Variants in ABCG1 observed in about 807,000 individuals in gnomAD.
The protein encoded by ABCG1 is ATP binding cassette subfamily G member 1, also known as ATP-binding cassette sub-family G member 1.
A neutral mutation model predicts 69.2 loss-of-function variants in ABCG1; 29 were observed. The observed-to-expected ratio is 0.42, with a 90% confidence interval of 0.31 to 0.57. The LOEUF (loss-of-function observed/expected upper bound fraction) is 0.57, where lower values mean the gene tolerates loss of function less well. Among genes scored for constraint, ABCG1 ranks in the 20% least tolerant of loss-of-function variants. The pLI is 0.15. For synonymous variants in ABCG1, 370 were observed against 374.8 expected, an observed-to-expected ratio of 0.99 and a Z score of 0.15; for missense variants, 718 against 898.1, an observed-to-expected ratio of 0.80 and a Z score of 2.56.
chr21:42,224,924 G>A (rs914896020), intron 1 of ABCG1, among the ~76,000 whole-genome samples: 4 of 151,850 alleles, frequency 2.6e-5, no homozygotes, highest in Admixed American at 2.0e-4. Flanking sequence ...TTCTCTTGAT[G>A]CAGTGAAATG....
intron 2 of ABCG1, among the ~76,000 whole-genome samples, chr21:42,230,945 A>G (rs915928826): frequency 6.6e-6 from 1 of 152,226 alleles, no homozygotes; most frequent in Non-Finnish European, 1.5e-5. Flanking sequence ...TTCAGGCCAA[A>G]AAGGAGCGTA....
intron 5 of ABCG1, 59 bp from the exon 6 acceptor site, chr21:42,282,215 A>G: frequency 6.3e-7 from 1 of 1,583,570 alleles, no homozygotes; most frequent in Non-Finnish European, 8.6e-7. Context: ...TGCATGGGCC[A>G]TGGGAGGTGG....
At chr21:42,235,448 G>A (rs114331020) in intron 2 of ABCG1, among the ~76,000 whole-genome samples, 245 of 152,304 alleles carry the variant, frequency 1.6e-3, no homozygotes, top group African/African-American at 5.6e-3. Context: ...GAGTGACCAT[G>A]GCCCGTGACA....
In ABCG1 at chr21:42,219,791, C is replaced by A. The variant is rs2123494783; in HGVS notation, c.42+487C>A. 1.4e-6 allele frequency: 2 copies of A among 1,424,234 alleles called. No individual in the cohort carries two copies. The highest frequency in any genetic ancestry group is 1.8e-6 in the Non-Finnish European group (2 of 1,091,820). The allele number at this position is 1,424,234 out of a possible 1,614,324, so 88.2% of individuals were successfully genotyped here. ...GAACGCCAGGCAAGGTCTGGGGGAA[C>A]AAAAGAGGAAGCTGCCCCCAGAGAG... On this transcript the variant is annotated intron_variant, in intron 1 of 14. Transcript: ENST00000398449. This position sits in a 1 kb window ranked among gnomAD's most constrained non-coding sequence, Gnocchi z 5.3.
At chr21:42,241,610 AAAAAAATAAC>A in intron 2 of ABCG1, among the ~76,000 whole-genome samples, 1 of 109,838 alleles carries the variant, frequency 9.1e-6, no homozygotes, top group African/African-American at 5.0e-5. Context: ...GTCTCAAAAA[AAAAAAATAAC>A]AAAAAAAAAA....
In ABCG1 at chr21:42,273,267, C is replaced by T. The variant is rs756759052; in HGVS notation, c.405-36C>T. Reference sequence around the variant, plus strand: ...CCGGGAGGTGGAGGAGGAGCAGGAGCCCGGCTGACGGCTTCTCCTGTCCTT... The same window carrying T: ...CCGGGAGGTGGAGGAGGAGCAGGAGTCCGGCTGACGGCTTCTCCTGTCCTT... On this transcript the variant is annotated intron_variant, in intron 3 of 14. Coordinates refer to ENST00000398449, the MANE Select transcript of ABCG1 (RefSeq NM_016818.3). The surrounding 1 kb of genome is among the most constrained non-coding windows in gnomAD (Gnocchi z 5.3). 2 of 1,590,334 alleles carry T rather than the reference C, an allele frequency of 1.3e-6. No homozygotes were observed. The highest frequency in any genetic ancestry group is 3.4e-5 in the Admixed American group (2 of 58,536).
chr21:42,280,088 A>T (rs962189520), intron 5 of ABCG1, among the ~76,000 whole-genome samples: 3 of 152,160 alleles, frequency 2.0e-5, no homozygotes, highest in Non-Finnish European at 2.9e-5. Context: ...TCCCCACAGG[A>T]CCTGGAGGCC....
chr21:42,284,139 T>TA (rs556365181), intron 6 of ABCG1, among the ~76,000 whole-genome samples: 1 of 422 alleles, frequency 2.4e-3, no homozygotes, highest in Non-Finnish European at 4.5e-3. Context: ...AGTTGCGAAG[T>TA]CCCCCCCGCC....
In ABCG1 at chr21:42,276,047, C is replaced by T. The variant is rs941878200; in HGVS notation, c.538-848C>T. ...ATCTCACCCTCTCCTCTGATCCTCA[C>T]AGCAACTTCTCTAGCTAATGAGGTG... On this transcript the variant is annotated intron_variant, in intron 4 of 14. Coordinates refer to ENST00000398449, the MANE Select transcript of ABCG1 (RefSeq NM_016818.3). The surrounding 1 kb of genome is among the most constrained non-coding windows in gnomAD (Gnocchi z 5.3). Among the ~76,000 whole-genome samples, 2 of 147,760 alleles carry T rather than the reference C, an allele frequency of 1.4e-5. No homozygotes were observed.
At chr21:42,236,672 T>C (rs2123575603) in intron 2 of ABCG1, among the ~76,000 whole-genome samples, 2 of 152,286 alleles carry the variant, frequency 1.3e-5, no homozygotes, top group East Asian at 3.9e-4. Flanking sequence ...GGCATTTCTG[T>C]AAGCCCATAT....
In ABCG1 at chr21:42,219,924, G is replaced by C. The variant is rs1294508254; in HGVS notation, c.42+620G>C. 3 of 1,550,460 alleles carry C rather than the reference G, an allele frequency of 1.9e-6. No individual in the cohort carries two copies. Among genetic ancestry groups the C allele is most frequent in the East Asian group, 2.4e-5 (1 of 40,884 alleles). ...CGAGGGGCAAGCCCGGATTCCTGCC[G>C]GCCGCCTTTCTGCGCGCGCCGGAGA... On this transcript the variant is annotated intron_variant, in intron 1 of 14. Coordinates refer to ENST00000398449, the MANE Select transcript of ABCG1 (RefSeq NM_016818.3). This position sits in a 1 kb window ranked among gnomAD's most constrained non-coding sequence, Gnocchi z 5.3.
upstream of ABCG1, among the ~76,000 whole-genome samples, chr21:42,217,214 G>T (rs534233468): frequency 3.3e-5 from 5 of 152,090 alleles, no homozygotes; most frequent in African/African-American, 1.2e-4. Context: ...ATAAATCTTC[G>T]GGCAGAGAAC....
Position 42,252,551 on chromosome 21 carries a change from C to A in ABCG1, c.287-18519C>A, listed in dbSNP as rs375180867. On this transcript the variant is annotated intron_variant, in intron 2 of 14. Coordinates refer to ENST00000398449, the MANE Select transcript of ABCG1 (RefSeq NM_016818.3). ...TTCGTTGTCCTGTTTGAGACTCAGC[C>A]ATGGCTGCTTTGGATGGTCTCTGGT... 8.5e-5 allele frequency among the ~76,000 whole-genome samples: 13 copies of A among 152,166 alleles called. No homozygotes were observed. In the East Asian group the frequency reaches 2.5e-3, roughly 30 times the overall value.
intron 11 of ABCG1, among the ~76,000 whole-genome samples, chr21:42,290,720 A>G (rs1172283827): frequency 1.3e-5 from 2 of 152,138 alleles, no homozygotes; most frequent in Non-Finnish European, 2.9e-5. Context: ...CTCCTCCCCA[A>G]GCTTCCCCTG....
At position 42,284,673 on chromosome 21, in the gene ABCG1, TGTTCGACCAG is replaced by T; in HGVS notation, c.851_858+2del. ...CAGCCCAGCGCCAAACTCTTCGAGC[TGTTCGACCAG>T]GTACGCGGGCCCCGGGCCCTCCCCG... is the stretch of plus-strand genomic sequence containing the variant. On this transcript the variant is annotated frameshift_variant and splice_region_variant, in exon 7 of 15. Coordinates refer to ENST00000398449, the MANE Select transcript of ABCG1 (RefSeq NM_016818.3). LOFTEE classifies it high-confidence loss of function. 1 of 1,613,400 alleles carries T rather than the reference TGTTCGACCAG, an allele frequency of 6.2e-7. No individual in the cohort carries two copies. Among genetic ancestry groups the T allele is most frequent in the Non-Finnish European group, 8.5e-7 (1 of 1,179,960 alleles).
At chr21:42,260,931 C>T (rs898764576) in intron 2 of ABCG1, among the ~76,000 whole-genome samples, 17 of 152,184 alleles carry the variant, frequency 1.1e-4, no homozygotes, top group African/African-American at 3.9e-4. Flanking sequence ...AAGCGATTCT[C>T]CTGCCTCAGC....
chr21:42,275,106 T>C (rs2068686988), intron 4 of ABCG1, among the ~76,000 whole-genome samples: 1 of 152,142 alleles, frequency 6.6e-6, no homozygotes, highest in African/African-American at 2.4e-5. Flanking sequence ...TGGGCAAAGC[T>C]TCTTCCCCAT....
chr21:42,269,740 T>C (rs540082558), intron 2 of ABCG1, among the ~76,000 whole-genome samples: 69 of 152,234 alleles, frequency 4.5e-4, no homozygotes, highest in African/African-American at 1.6e-3. Flanking sequence ...CGGTGTCCTA[T>C]CTATGAAAGA....
At chr21:42,200,456 C>T (rs1247003845) in intron 1 of ABCG1, among the ~76,000 whole-genome samples, 1 of 152,148 alleles carries the variant, frequency 6.6e-6, no homozygotes, top group Non-Finnish European at 1.5e-5. Flanking sequence ...AACCTTTTTA[C>T]GTGCAGTCTT....
Sources: allele counts gnomAD v4.1 joint callset (sites outside exome capture counted in the v4.1 genomes callset), GRCh38; gene constraint gnomAD v4.1.1; non-coding constraint Gnocchi (gnomAD v3.1); transcripts MANE v1.5; gene names NCBI Gene and HGNC (gene_info 2026-07-23, HGNC 2026-07-21).